The following SEPTIN9 variants were observed in gnomAD, a reference collection of about 807,000 sequenced individuals.
SEPTIN9 encodes the protein septin 9.
In SEPTIN9, 13 loss-of-function variants were observed where a neutral mutation model predicts 56.6. That is an observed-to-expected ratio of 0.23 (90% CI 0.15 to 0.37). The LOEUF is 0.37. Ranked by LOEUF, SEPTIN9 falls within the 10% of genes least tolerant of loss-of-function variation. SEPTIN9 has a pLI of 1.00. For missense variants in SEPTIN9, 650 were observed against 823.1 expected (o/e 0.79, Z 2.57); for synonymous variants, 332 against 334.1 (o/e 0.99, Z 0.07).
At chr17:77,458,530 C>G (rs554749608) in intron 3 of SEPTIN9, among the ~76,000 whole-genome samples, 75 of 152,342 alleles carry the variant, frequency 4.9e-4, no homozygotes, top group Admixed American at 1.1e-3. Flanking sequence ...TCCTCCTCTC[C>G]TAGAGCTATG....
At chr17:77,292,196 C>T (rs1280739589) in intron 1 of SEPTIN9, among the ~76,000 whole-genome samples, 1 of 152,194 alleles carries the variant, frequency 6.6e-6, no homozygotes, top group African/African-American at 2.4e-5. Context: ...ACTTGTGCAA[C>T]AGTTTCTTCT....
intron 3 of SEPTIN9, chr17:77,444,823 G>C: frequency 3.8e-6 from 1 of 266,452 alleles, no homozygotes. Context: ...TAAGAAGTAA[G>C]TGGGCGGTGG....
intron 3 of SEPTIN9, among the ~76,000 whole-genome samples, chr17:77,422,561 G>A (rs943862461): frequency 6.1e-4 from 93 of 152,150 alleles, no homozygotes; most frequent in African/African-American, 1.8e-3. Context: ...GTGGTCAGGC[G>A]GATCCTGGAA....
intron 2 of SEPTIN9, among the ~76,000 whole-genome samples, chr17:77,383,632 A>G (rs545300045): frequency 3.3e-5 from 5 of 152,322 alleles, no homozygotes; most frequent in South Asian, 2.1e-4. Context: ...CTTCCACTCA[A>G]TGACTGAGTT....
rs1434504500 is a variant in SEPTIN9, at chr17:77,367,541, C to T, written c.77-34518C>T. Among the ~76,000 whole-genome samples the T allele has an allele frequency of 6.6e-6, 1 of 152,064 alleles. No homozygotes were observed. The highest frequency in any genetic ancestry group is 1.5e-5 in the Non-Finnish European group (1 of 68,024). ...GTTTAAGACTAAAGTGATGGCTGGG[C>T]GCAGTGGCTCACGTCTGTAATCCCA... On this transcript the variant is annotated intron_variant, in intron 2 of 11. Transcript: ENST00000427177. The surrounding 1 kb of genome is among the most constrained non-coding windows in gnomAD (Gnocchi z 4.5).
chr17:77,409,465 T>G (rs562515838), intron 3 of SEPTIN9, among the ~76,000 whole-genome samples: 1 of 151,118 alleles, frequency 6.6e-6, no homozygotes, highest in African/African-American at 2.4e-5. Context: ...ATGCAGCGGG[T>G]GCCGAGCAGC....
At chr17:77,360,834 CATT>C (rs1424518558) in intron 2 of SEPTIN9, among the ~76,000 whole-genome samples, 1 of 151,640 alleles carries the variant, frequency 6.6e-6, no homozygotes, top group Non-Finnish European at 1.5e-5. Context: ...AAAATGCTGG[CATT>C]ATGCCACTGC....
rs144210023 is a variant in SEPTIN9 at position 77,395,758 on chromosome 17, C to T, written c.77-6301C>T. Among the ~76,000 whole-genome samples, 182 of 152,246 alleles carry T rather than the reference C, an allele frequency of 1.2e-3. 1 individual carries two copies. The highest frequency in any genetic ancestry group is 4.1e-3 in the African/African-American group (169 of 41,546). On this transcript the variant is annotated intron_variant, in intron 2 of 11. Coordinates refer to ENST00000427177, the MANE Select transcript of SEPTIN9 (RefSeq NM_001113491.2). ...TAGGATCTTTGTATACATCTTGTGTCCTGCTATTTTTACTTAATATTCTCG... is the reference window on the plus strand; with the variant it reads ...TAGGATCTTTGTATACATCTTGTGTTCTGCTATTTTTACTTAATATTCTCG...
chr17:77,409,309 G>A (rs1329810292), intron 3 of SEPTIN9, among the ~76,000 whole-genome samples: 1 of 152,122 alleles, frequency 6.6e-6, no homozygotes, highest in Non-Finnish European at 1.5e-5. Flanking sequence ...GGGAGGATTG[G>A]CCAGGCCCGG....
chr17:77,312,714 C>T (rs748442549), intron 2 of SEPTIN9, among the ~76,000 whole-genome samples: 19 of 152,078 alleles, frequency 1.2e-4, no homozygotes, highest in Non-Finnish European at 1.8e-4. Flanking sequence ...CCTTCTTTTG[C>T]GTTGGCTAAA....
At chr17:77,414,738 C>T (rs957253127) in intron 3 of SEPTIN9, among the ~76,000 whole-genome samples, 3 of 151,970 alleles carry the variant, frequency 2.0e-5, no homozygotes, top group Admixed American at 6.6e-5. Flanking sequence ...CCACCATGCC[C>T]GGCTAATTTT....
chr17:77,484,303 G>GGTTGATGATGGTGCT (rs2039580062), intron 4 of SEPTIN9, among the ~76,000 whole-genome samples: 2 of 53,200 alleles, frequency 3.8e-5, no homozygotes, highest in South Asian at 9.4e-4. Context: ...GTGGTGATGT[G>GGTTGATGATGGTGCT]GGTGATGGTG....
chr17:77,459,278 G>A (rs1229998325), intron 3 of SEPTIN9, among the ~76,000 whole-genome samples: 1 of 152,198 alleles, frequency 6.6e-6, no homozygotes, highest in South Asian at 2.1e-4. Flanking sequence ...GAACTGCCTG[G>A]TGCCACCTCC....
Position 77,327,259 on chromosome 17 carries a change from G to A in SEPTIN9, c.76+20062G>A, listed in dbSNP as rs931728326. Among the ~76,000 whole-genome samples, 11 of 152,058 alleles carry A rather than the reference G, an allele frequency of 7.2e-5. No individual in the cohort carries two copies. The highest frequency in any genetic ancestry group is 1.5e-4 in the Non-Finnish European group (10 of 67,986). On this transcript the variant is annotated intron_variant, in intron 2 of 11. Transcript: ENST00000427177. The surrounding 1 kb of genome is among the most constrained non-coding windows in gnomAD (Gnocchi z 5.0). Reference sequence around the variant, plus strand: ...CCCTCAGGTTAGTTTATTTTTACCCGGCCTGCTCCCACCAGGGGCTGAGGC... The same window carrying A: ...CCCTCAGGTTAGTTTATTTTTACCCAGCCTGCTCCCACCAGGGGCTGAGGC...
chr17:77,425,170 C>T lies in SEPTIN9; in HGVS notation c.721+22467C>T, dbSNP rs1288576302. Among the ~76,000 whole-genome samples the T allele has an allele frequency of 6.6e-6, 1 of 152,212 alleles. No individual in the cohort carries two copies. Among genetic ancestry groups the T allele is most frequent in the African/African-American group, 2.4e-5 (1 of 41,460 alleles). The stretch of plus-strand genomic sequence containing the variant: ...GCCCCACTGACCTGCACCATGTGAC[C>T]CGGGCCTGGGAAGATGGGCCCAGCT... On this transcript the variant is annotated intron_variant, in intron 3 of 11. Coordinates refer to ENST00000427177, the MANE Select transcript of SEPTIN9 (RefSeq NM_001113491.2). The surrounding 1 kb of genome is among the most constrained non-coding windows in gnomAD (Gnocchi z 4.2).
At chr17:77,380,926 C>G (rs115443746) in intron 2 of SEPTIN9, among the ~76,000 whole-genome samples, 2,474 of 152,318 alleles carry the variant, frequency 0.016, 51 homozygotes, top group African/African-American at 0.057. Context: ...TTCCTTCTCA[C>G]CCCTTCTACA....
Position 77,451,504 on chromosome 17 carries a change from C to G in SEPTIN9, c.722-30640C>G, listed in dbSNP as rs11650934. The G allele has an allele frequency of 0.13, 130,488 of 985,726 alleles. 9,566 individuals are homozygous for G. The highest frequency in any genetic ancestry group is 0.51 in the East Asian group (4,468 of 8,792). The allele number at this position is 985,726 out of a possible 1,614,324, so 61.1% of individuals were successfully genotyped here. ...GGGCCGCGGCTCTCGGCGCGTCCAGCGCAGCCCGACGTTCCGCTGCTGGGG... is the reference window on the plus strand; with the variant it reads ...GGGCCGCGGCTCTCGGCGCGTCCAGGGCAGCCCGACGTTCCGCTGCTGGGG... On this transcript the variant is annotated intron_variant, in intron 3 of 11. Transcript: ENST00000427177. This position sits in a 1 kb window ranked among gnomAD's most constrained non-coding sequence, Gnocchi z 4.2.
At chr17:77,463,650 C>T (rs2574843) in intron 3 of SEPTIN9, among the ~76,000 whole-genome samples, 11,228 of 152,042 alleles carry the variant, frequency 0.074, 1,375 homozygotes, top group African/African-American at 0.25. Context: ...GGAGACCAGC[C>T]TGGCCAACAT....
At chr17:77,419,226 C>G (rs2144204293) in intron 3 of SEPTIN9, among the ~76,000 whole-genome samples, 1 of 152,340 alleles carries the variant, frequency 6.6e-6, no homozygotes, top group South Asian at 2.1e-4. Flanking sequence ...GTCACACTTG[C>G]AGGCCCAGCC....
Sources: gnomAD v4.1 joint callset for allele counts (sites outside exome capture counted in the v4.1 genomes callset) on GRCh38, gnomAD v4.1.1 for gene constraint, Gnocchi (gnomAD v3.1) non-coding constraint, MANE v1.5 for transcripts, NCBI Gene and HGNC (gene_info 2026-07-23, HGNC 2026-07-21) for gene names.